Variants in FN1 observed in about 807,000 individuals in gnomAD.
FN1 encodes fibronectin.
In FN1, 106 loss-of-function variants were observed where a neutral mutation model predicts 297.3. The observed-to-expected ratio is 0.36, with a 90% CI of 0.30 to 0.42. The LOEUF (loss-of-function observed/expected upper bound fraction) is 0.42. FN1 is among the 10% of genes least tolerant of loss of function. The pLI is 1.00. For synonymous variants in FN1, 1,149 were observed against 1,152.6 expected (o/e 1.00, Z 0.06); for missense variants, 2,690 against 3,124.9 (o/e 0.86, Z 3.32).
intron 23 of FN1, among the ~76,000 whole-genome samples, chr2:215,395,738 T>G (rs2060233643): frequency 6.6e-6 from 1 of 152,056 alleles, no homozygotes; most frequent in African/African-American, 2.4e-5. Flanking sequence ...TGACAGAATA[T>G]TTTGCCATTA....
intron 13 of FN1, among the ~76,000 whole-genome samples, chr2:215,411,063 A>G (rs1487312862): frequency 6.6e-6 from 1 of 152,142 alleles, no homozygotes; most frequent in African/African-American, 2.4e-5. Flanking sequence ...TGGTTTTGTG[A>G]CTCATTCTTG....
At chr2:215,401,259 A>AAAAAAGAAAGAAAGAAAGAAAGAAAGG (rs2061088518) in intron 20 of FN1, among the ~76,000 whole-genome samples, 4 of 81,748 alleles carry the variant, frequency 4.9e-5, no homozygotes, top group African/African-American at 1.4e-4. Context: ...AGGAAGAAAG[A>AAAAAAGAAAGAAAGAAAGAAAGAAAGG]AAGGAAGGAA....
rs566231442 is a variant in FN1, at chr2:215,370,479, G to A, written c.6715-47C>T. Reference sequence around the variant, plus strand: ...AAGCAGAGAGAAAGCATTATAGTGAGGAATGACACGGGCTCTCCTCTTACC... The same window carrying A: ...AAGCAGAGAGAAAGCATTATAGTGAAGAATGACACGGGCTCTCCTCTTACC... On this transcript the variant is annotated intron_variant, in intron 40 of 45. Transcript: ENST00000354785. 39 of 1,522,110 alleles carry A rather than the reference G, an allele frequency of 2.6e-5. No homozygotes were observed. In the East Asian group the frequency reaches 5.5e-4, roughly 22 times the overall value. The allele number at this position is 1,522,110 out of a possible 1,614,324, so 94.3% of individuals were successfully genotyped here. A position where few individuals can be genotyped will look rare whatever the true frequency, so the allele number is the denominator to read the frequency against.
chr2:215,410,849 A>G (rs2062521026), intron 13 of FN1, among the ~76,000 whole-genome samples: 1 of 152,242 alleles, frequency 6.6e-6, no homozygotes. Context: ...TATCAGTAAC[A>G]TAATATGATG....
chr2:215,375,403 AAC>A lies in FN1; in HGVS notation c.5978-12_5978-11del, dbSNP rs3214672. 423,212 of 1,610,848 alleles carry A rather than the reference AAC, an allele frequency of 0.26. 64,319 individuals carry two copies. The highest frequency in any genetic ancestry group is 0.8 in the East Asian group (35,948 of 44,726). On this transcript the variant is annotated splice_polypyrimidine_tract_variant and intron_variant, in intron 37 of 45. Transcript: ENST00000354785. ...GATGGTGCATCAATGGCTGAAAGAA[AAC>A]AAAATTAAGTCTCTAAGAAGGCAAA...
intron 10 of FN1, chr2:215,421,187 A>G (rs2064280812): frequency 6.3e-6 from 2 of 316,314 alleles, no homozygotes; most frequent in South Asian, 2.8e-5. Flanking sequence ...AAGATTAAAC[A>G]TATTTATCTA....
chr2:215,425,610 T>G (rs2065188686), intron 6 of FN1, among the ~76,000 whole-genome samples: 1 of 152,192 alleles, frequency 6.6e-6, no homozygotes, highest in Non-Finnish European at 1.5e-5. Flanking sequence ...TGGAGTGCAG[T>G]GGCGCGGTCT....
intron 13 of FN1, among the ~76,000 whole-genome samples, chr2:215,413,880 A>G (rs1042004436): frequency 1.3e-5 from 2 of 152,210 alleles, no homozygotes; most frequent in African/African-American, 4.8e-5. Context: ...GAACTCTGAC[A>G]CATCAAAGAT....
At position 215,360,997 on chromosome 2, in the gene FN1, A is replaced by G. The variant is rs866866441; in HGVS notation, c.*558T>C. On this transcript the variant is annotated 3_prime_UTR_variant, in exon 46 of 46. Transcript: ENST00000354785. ...ATCAACTGCATACTAAGTGTTTTCA[A>G]TACAATTTTTTCCGTATAAAAATAC... is the stretch of plus-strand genomic sequence containing the variant. The G allele has an allele frequency of 3.2e-5, 5 of 157,376 alleles. No individual in the cohort carries two copies. The highest frequency in any genetic ancestry group is 2.5e-4 in the Admixed American group (4 of 16,322). The allele number at this position is 157,376 out of a possible 1,614,324, so 9.7% of individuals were successfully genotyped here.
At chr2:215,434,402 T>A (rs1297646375) in intron 2 of FN1, among the ~76,000 whole-genome samples, 1 of 111,274 alleles carries the variant, frequency 9.0e-6, no homozygotes, top group African/African-American at 3.4e-5. Flanking sequence ...TAAAATTTTA[T>A]AAGCAATTTT....
intron 23 of FN1, among the ~76,000 whole-genome samples, chr2:215,394,940 A>C (rs1011312122): frequency 6.6e-6 from 1 of 152,026 alleles, no homozygotes; most frequent in Admixed American, 6.6e-5. Context: ...GTCTCCCTCT[A>C]TCACCCAGGC....
At chr2:215,397,999 T>C (rs2060508051) in intron 21 of FN1, 151 bp from the exon 22 acceptor site, 1 of 744,624 alleles carries the variant, frequency 1.3e-6, no homozygotes, top group Admixed American at 2.1e-5. Context: ...GACTCTTTTA[T>C]ATACTTTAGC....
intron 32 of FN1, chr2:215,381,674 A>ATGTTGGT (rs1559387172): frequency 4.9e-6 from 1 of 205,894 alleles, no homozygotes; most frequent in African/African-American, 2.4e-5. Flanking sequence ...GGGTTTCACC[A>ATGTTGGT]TGTTGGTCAG....
chr2:215,423,909 A>G (rs986585596), intron 8 of FN1, among the ~76,000 whole-genome samples: 6 of 152,140 alleles, frequency 3.9e-5, no homozygotes, highest in African/African-American at 1.2e-4. Context: ...CATAATCCCA[A>G]TGTGTTAAAT....
intron 24 of FN1, chr2:215,393,776 G>A (rs1181018540): frequency 6.6e-6 from 1 of 152,460 alleles, no homozygotes; most frequent in African/African-American, 2.4e-5. Flanking sequence ...AGGAAAGACA[G>A]GCCTAAGGTT....
chr2:215,419,231 G>C lies in FN1; in HGVS notation c.1819+11C>G. On this transcript the variant is annotated intron_variant, in intron 12 of 45. Coordinates refer to ENST00000354785, the MANE Select transcript of FN1 (RefSeq NM_212482.4). The stretch of plus-strand genomic sequence containing the variant: ...TGGCAGTTCTCAACTTGCAGTAATA[G>C]AGCTACTTACTTGGATAGGTCTGTA... The C allele has an allele frequency of 6.2e-7, 1 of 1,613,246 alleles. No homozygotes were observed. The highest frequency in any genetic ancestry group is 1.1e-5 in the South Asian group (1 of 91,046).
In FN1 at chr2:215,424,296, T is replaced by G. The variant is rs369467145; in HGVS notation, c.1066A>C (p.Asn356His). Reference sequence around the variant, plus strand: ...AATGGTAAGACACATGGCTCTCCATTTGAGTTGCCACCGTAAGTCTGGGTT... The same window carrying G: ...AATGGTAAGACACATGGCTCTCCATGTGAGTTGCCACCGTAAGTCTGGGTT... ...AVTQTYGGNS[N>H]GEPCVLPFTY... The change falls in exon 8 of 46, where the codon AAT (asparagine) becomes CAT (histidine). Residue 356 changes from asparagine (N) to histidine (H), a missense_variant. This residue lies in a region of FN1 where 876 missense variants were observed against 1,058.1 expected (regional missense o/e 0.83). Coordinates refer to ENST00000354785, the MANE Select transcript of FN1 (RefSeq NM_212482.4). 11 of 1,614,086 alleles carry G rather than the reference T, an allele frequency of 6.8e-6. No homozygotes were observed. The highest frequency in any genetic ancestry group is 1.6e-4 in the Middle Eastern group (1 of 6,062).
At chr2:215,367,251 T>G (rs1325123264) in intron 42 of FN1, among the ~76,000 whole-genome samples, 2 of 152,238 alleles carry the variant, frequency 1.3e-5, no homozygotes, top group Non-Finnish European at 2.9e-5. Flanking sequence ...ACATTTTAAC[T>G]TAAAAAATTT....
Position 215,388,205 on chromosome 2 carries a change from C to T in FN1, c.4342+7G>A. 1 of 1,606,390 alleles carries T rather than the reference C, an allele frequency of 6.2e-7. No individual in the cohort carries two copies. The highest frequency in any genetic ancestry group is 8.5e-7 in the Non-Finnish European group (1 of 1,173,010). On this transcript the variant is annotated splice_region_variant and intron_variant, in intron 27 of 45. Coordinates refer to ENST00000354785, the MANE Select transcript of FN1 (RefSeq NM_212482.4). ...TACTGGATAGTCATACTGCCAACAC[C>T]ACTCACCTGTTTTCTGTCTTCCTCT...
Sources: allele counts gnomAD v4.1 joint callset (sites outside exome capture counted in the v4.1 genomes callset), GRCh38; gene constraint gnomAD v4.1.1; regional missense constraint gnomAD v4.1.1; transcripts MANE v1.5; gene names NCBI Gene and HGNC (gene_info 2026-07-23, HGNC 2026-07-21).